GALK1: variants seen among roughly 807,000 people sequenced by gnomAD.
The protein encoded by GALK1 is galactokinase 1.
GALK1 carries 30 observed loss-of-function variants against 38.6 expected under a neutral mutation model. That is an observed-to-expected ratio of 0.78 (90% CI 0.58 to 1.05). The LOEUF is 1.05. GALK1 is among the 50% of genes least tolerant of loss of function. GALK1 has a pLI of 0.00. For missense variants in GALK1, 512 were observed against 540.5 expected (o/e 0.95, Z 0.52); for synonymous variants, 240 against 233.6 (o/e 1.03, Z -0.25).
downstream of GALK1, chr17:75,753,647 C>T (rs904001619): frequency 7.9e-6 from 5 of 634,912 alleles, no homozygotes; most frequent in South Asian, 1.4e-4. Flanking sequence ...ACACACACCC[C>T]GGGATCCCGG....
Position 75,763,459 on chromosome 17 carries a change from T to C in GALK1, c.356-20A>G, listed in dbSNP as rs748615704. 14 of 1,575,112 alleles carry C rather than the reference T, an allele frequency of 8.9e-6. No homozygotes were observed. The African/African-American group carries it at 1.8e-4, about 20-fold the overall frequency. ...GGGCAGCTGCAGGGGAAAGAACAGGTGATGGTAAGAGGGGCTGCCTGGGAG... is the reference window on the plus strand; with the variant it reads ...GGGCAGCTGCAGGGGAAAGAACAGGCGATGGTAAGAGGGGCTGCCTGGGAG... On this transcript the variant is annotated intron_variant, in intron 2 of 7. Transcript: ENST00000588479.
rs1364867357 is a variant in GALK1 at position 75,762,870 on chromosome 17, G to A, written c.627C>T (p.Ser209=). 1 of 1,613,444 alleles carries A rather than the reference G, an allele frequency of 6.2e-7. No individual in the cohort carries two copies. Among genetic ancestry groups the A allele is most frequent in the Non-Finnish European group, 8.5e-7 (1 of 1,179,894 alleles). Residue 209 remains serine, a synonymous_variant, in exon 5 of 8, where the codon AGC becomes AGT. Coordinates refer to ENST00000588479, the MANE Select transcript of GALK1 (RefSeq NM_000154.2). ...LLIDCRSLET[S]LVPLSDPKLA... ...GCTTGGGGTCCGAGAGTGGCACCAG[G>A]CTGGTCTCCAAGGACCTGGGGTGGA...
At chr17:75,764,916 C>A in intron 1 of GALK1, 56 bp downstream of exon 1, 1 of 1,572,070 alleles carries the variant, frequency 6.4e-7, no homozygotes, top group South Asian at 1.2e-5. Flanking sequence ...GGCCCGCCCT[C>A]CTCGGCGGCC....
Position 75,763,155 on chromosome 17 carries a change from G to A in GALK1, c.476-6C>T, listed in dbSNP as rs1052029690. ...GGCAGCTATTGTGCCCGAGTCTGCA[G>A]TACAGGGTGAGGTGGGGAGGCTAGG... On this transcript the variant is annotated splice_polypyrimidine_tract_variant and splice_region_variant and intron_variant, in intron 3 of 7. Coordinates refer to ENST00000588479, the MANE Select transcript of GALK1 (RefSeq NM_000154.2). 6.2e-7 allele frequency: 1 copy of A among 1,611,574 alleles called. No individual in the cohort carries two copies. Among genetic ancestry groups the A allele is most frequent in the East Asian group, 2.2e-5 (1 of 44,868 alleles).
chr17:75,764,154 C>G, intron 1 of GALK1, 68 bp from the exon 2 acceptor site: 1 of 1,419,324 alleles, frequency 7.0e-7, no homozygotes, highest in Non-Finnish European at 9.7e-7. Flanking sequence ...ATGACACTGC[C>G]TCCAGCCGAG....
chr17:75,753,577 C>A (rs2061416539), downstream of GALK1, among the ~76,000 whole-genome samples: 1 of 152,188 alleles, frequency 6.6e-6, no homozygotes, highest in Non-Finnish European at 1.5e-5. Flanking sequence ...TTCAGCCGCG[C>A]AAGGGTTTCA....
chr17:75,758,708 T>C (rs1599332649), intron 5 of GALK1, 109 bp from the exon 6 acceptor site: 3 of 1,412,970 alleles, frequency 2.1e-6, no homozygotes, highest in Non-Finnish European at 9.6e-7. Context: ...CGGTGAAGGG[T>C]GGAAGGCCGC....
chr17:75,756,695 T>G (rs2061513965), downstream of GALK1: 10 of 1,613,398 alleles, frequency 6.2e-6, no homozygotes, highest in Non-Finnish European at 7.6e-6. Context: ...CTTCCTCTAC[T>G]GCCCCCAGGC....
chr17:75,762,169 A>G (rs2061590169), intron 5 of GALK1, among the ~76,000 whole-genome samples: 1 of 152,128 alleles, frequency 6.6e-6, no homozygotes, highest in Non-Finnish European at 1.5e-5. Context: ...AAAGATAAAA[A>G]TTAGCCGGGC....
chr17:75,763,380 G>A lies in GALK1; in HGVS notation c.415C>T (p.Leu139=). 1 of 1,613,598 alleles carries A rather than the reference G, an allele frequency of 6.2e-7. No individual in the cohort carries two copies. Among genetic ancestry groups the A allele is most frequent in the Non-Finnish European group, 8.5e-7 (1 of 1,179,844 alleles). ...VVSSVPLGGG[L]SSSASLEVAT... is the part of the protein sequence containing the mutation. ...ACTTCCAAGGATGCTGAGCTGGACA[G>A]GCCACCCCCCAGGGGCACTGAGCTG... is the stretch of plus-strand genomic sequence containing the variant. Residue 139 remains leucine, a synonymous_variant, in exon 3 of 8, where the codon CTG becomes TTG. Coordinates refer to ENST00000588479, the MANE Select transcript of GALK1 (RefSeq NM_000154.2).
chr17:75,764,162 G>A (rs1423895757), intron 1 of GALK1, 76 bp from the exon 2 acceptor site: 6 of 1,371,714 alleles, frequency 4.4e-6, no homozygotes, highest in Middle Eastern at 2.4e-4. Context: ...GCCTCCAGCC[G>A]AGGTTCTGAT....
downstream of GALK1, chr17:75,754,988 A>G (rs1018668926): frequency 1.9e-6 from 3 of 1,544,894 alleles, no homozygotes; most frequent in East Asian, 2.3e-5. Context: ...ACAGACATGC[A>G]TGCGCACACG....
chr17:75,757,419 G>T (rs1448303878), downstream of GALK1: 2 of 1,613,100 alleles, frequency 1.2e-6, no homozygotes, highest in Non-Finnish European at 1.7e-6. Context: ...TCCACAGATG[G>T]GCTGACCCTG....
At chr17:75,756,685 C>T (rs2061513775), downstream of GALK1, 1 of 1,613,502 alleles carries the variant, frequency 6.2e-7, no homozygotes, top group African/African-American at 1.3e-5. Flanking sequence ...GGCTGATGCT[C>T]TTCCTCTACT....
downstream of GALK1, chr17:75,754,802 C>T (rs971735651): frequency 5.6e-6 from 9 of 1,613,974 alleles, no homozygotes; most frequent in Admixed American, 3.3e-5. Flanking sequence ...CCCTCACCTC[C>T]GTCTCCTCCC....
At position 75,764,068 on chromosome 17, in the gene GALK1, C is replaced by CCGT; in HGVS notation, c.181_183dup (p.Thr61dup). On this transcript the variant is annotated inframe_insertion, in exon 2 of 8. Coordinates refer to ENST00000588479, the MANE Select transcript of GALK1 (RefSeq NM_000154.2). Reference sequence around the variant, plus strand: ...TCCTTGCGGGGGCTGCCCACCAGCACCGTCATGAGCTCCAGAGCCTGGCAG... The same window carrying CCGT: ...TCCTTGCGGGGGCTGCCCACCAGCACCGTCGTCATGAGCTCCAGAGCCTGGCAG... The CCGT allele has an allele frequency of 6.3e-7, 1 of 1,585,992 alleles. No homozygotes were observed. Among genetic ancestry groups the CCGT allele is most frequent in the Non-Finnish European group, 8.6e-7 (1 of 1,168,992 alleles).
At chr17:75,757,866 G>GCC (rs1383770022), downstream of GALK1, 104 of 710,290 alleles carry the variant, frequency 1.5e-4, no homozygotes, top group Non-Finnish European at 6.0e-5. Flanking sequence ...GCTCCCCTAG[G>GCC]GTAGGGGAGC....
chr17:75,756,051 C>T (rs2061493196), downstream of GALK1, among the ~76,000 whole-genome samples: 1 of 152,330 alleles, frequency 6.6e-6, no homozygotes, highest in East Asian at 1.9e-4. Context: ...CACCCACCTC[C>T]CTGGGCCTCT....
downstream of GALK1, chr17:75,756,901 A>G: frequency 1.2e-6 from 2 of 1,612,070 alleles, no homozygotes. Context: ...GGGGAGGGGT[A>G]AAGAGGGGGC....
Sources: gnomAD v4.1 joint callset for allele counts (sites outside exome capture counted in the v4.1 genomes callset) on GRCh38, gnomAD v4.1.1 for gene constraint, MANE v1.5 for transcripts, NCBI Gene and HGNC (gene_info 2026-07-23, HGNC 2026-07-21) for gene names.